SLC25A25: variants seen among roughly 807,000 people sequenced by gnomAD.
SLC25A25 encodes mitochondrial adenyl nucleotide antiporter SLC25A25.
SLC25A25 carries 32 observed loss-of-function variants against 57.7 expected under a neutral mutation model. That is an observed-to-expected ratio of 0.55 (90% confidence interval 0.42 to 0.74). SLC25A25 has a LOEUF of 0.74. Among genes scored for constraint, SLC25A25 ranks in the 30% least tolerant of loss-of-function variants. SLC25A25 has a pLI of 0.00. For synonymous variants in SLC25A25, 306 were observed against 291.2 expected, an observed-to-expected ratio of 1.05 and a Z score of -0.52; for missense variants, 556 against 701.3, an observed-to-expected ratio of 0.79 and a Z score of 2.34.
chr9:128,089,930 C>T (rs374582510), intron 1 of SLC25A25, among the ~76,000 whole-genome samples: 6 of 152,028 alleles, frequency 3.9e-5, no homozygotes, highest in African/African-American at 9.7e-5. Flanking sequence ...CCACTGCGCT[C>T]GGCCTTCTTT....
chr9:128,082,459 C>T (rs973191895), intron 1 of SLC25A25, among the ~76,000 whole-genome samples: 14 of 152,056 alleles, frequency 9.2e-5, no homozygotes, highest in African/African-American at 2.7e-4. Flanking sequence ...TGAGTTTTTC[C>T]GTTGGCTGAT....
At chr9:128,088,291 C>G (rs1169115203) in intron 1 of SLC25A25, among the ~76,000 whole-genome samples, 1 of 152,180 alleles carries the variant, frequency 6.6e-6, no homozygotes, top group Non-Finnish European at 1.5e-5. Flanking sequence ...CTCTGGCTGA[C>G]AGGAACGGGA....
intron 8 of SLC25A25, 28 bp downstream of exon 8, chr9:128,106,285 G>T: frequency 6.2e-7 from 1 of 1,614,092 alleles, no homozygotes; most frequent in Admixed American, 1.7e-5. Context: ...TCCTGGGGCG[G>T]GCAGTGGGCA....
intron 1 of SLC25A25, among the ~76,000 whole-genome samples, chr9:128,086,460 A>C (rs886777546): frequency 6.6e-6 from 1 of 151,772 alleles, no homozygotes; most frequent in African/African-American, 2.4e-5. Context: ...CAGCCTCCAA[A>C]GTAGCTGGGA....
At chr9:128,068,673 AC>A (rs1202561041) in intron 1 of SLC25A25, 93 bp downstream of exon 1, 2 of 1,301,734 alleles carry the variant, frequency 1.5e-6, no homozygotes, top group African/African-American at 1.6e-5. Flanking sequence ...GCTGGGCGGA[AC>A]CCCCACTGTC....
intron 1 of SLC25A25, among the ~76,000 whole-genome samples, chr9:128,086,340 T>G (rs1833273899): frequency 6.7e-6 from 1 of 150,134 alleles, no homozygotes; most frequent in South Asian, 2.1e-4. Flanking sequence ...TTTTTTTTTT[T>G]TTTTTTTTTT....
chr9:128,098,878 G>A (rs1297595716), intron 1 of SLC25A25: 5 of 985,348 alleles, frequency 5.1e-6, no homozygotes, highest in Admixed American at 6.1e-5. Flanking sequence ...TGGCCGGCAC[G>A]TGTACGTCAC....
chr9:128,086,468 G>GGATT (rs1833278222), intron 1 of SLC25A25, among the ~76,000 whole-genome samples: 1 of 151,936 alleles, frequency 6.6e-6, no homozygotes, highest in Non-Finnish European at 1.5e-5. Context: ...AAAGTAGCTG[G>GGATT]GATTATAGGC....
Position 128,092,289 on chromosome 9 carries a change from C to T in SLC25A25, c.262-8807C>T, listed in dbSNP as rs1405964443. ...CCTGTGAAAGCTGCATTACCCACTG[C>T]GAGCACCCCAGTGTGGCTGTTGAGG... is the stretch of plus-strand genomic sequence containing the variant. On this transcript the variant is annotated intron_variant, in intron 1 of 10. Transcript: ENST00000373069. Among the ~76,000 whole-genome samples, 3 of 152,112 alleles carry T rather than the reference C, an allele frequency of 2.0e-5. No individual in the cohort carries two copies. In the East Asian group the frequency reaches 5.8e-4, roughly 29 times the overall value.
chr9:128,077,256 G>A (rs1033211935), intron 1 of SLC25A25, among the ~76,000 whole-genome samples: 2 of 152,046 alleles, frequency 1.3e-5, no homozygotes, highest in African/African-American at 4.8e-5. Context: ...GGCCGGGCGC[G>A]GTGGCTCACG....
chr9:128,098,505 G>A (rs1833636931), intron 1 of SLC25A25: 2 of 1,554,104 alleles, frequency 1.3e-6, no homozygotes, highest in African/African-American at 1.4e-5. Flanking sequence ...CCCGGGACCG[G>A]CAGCATTTAG....
chr9:128,070,715 G>T (rs1226131759), intron 1 of SLC25A25, among the ~76,000 whole-genome samples: 1 of 151,196 alleles, frequency 6.6e-6, no homozygotes, highest in African/African-American at 2.4e-5. Context: ...ACTTTGGGAG[G>T]CCAAGCCGGG....
chr9:128,093,803 G>A (rs1303880990), intron 1 of SLC25A25, among the ~76,000 whole-genome samples: 1 of 152,194 alleles, frequency 6.6e-6, no homozygotes, highest in East Asian at 1.9e-4. Flanking sequence ...ATTGGGGCTG[G>A]CCTCACCAAA....
At chr9:128,089,526 G>A (rs1279553697) in intron 1 of SLC25A25, among the ~76,000 whole-genome samples, 2 of 152,012 alleles carry the variant, frequency 1.3e-5, no homozygotes, top group Admixed American at 6.6e-5. Flanking sequence ...AACTGCTTCT[G>A]GACAAGTTCT....
rs73612024 is a variant in SLC25A25, at chr9:128,100,522, C to T, written c.262-574C>T. ...CACATGCCCTTGGCTCCTTACACTT[C>T]CCCGGCCTCGGGTGCTGTGGCAGAG... On this transcript the variant is annotated intron_variant, in intron 1 of 10. Coordinates refer to ENST00000373069, the MANE Select transcript of SLC25A25 (RefSeq NM_001330988.2). Among the ~76,000 whole-genome samples, 1,024 of 152,330 alleles carry T rather than the reference C, an allele frequency of 6.7e-3. 10 individuals are homozygous for T. The highest frequency in any genetic ancestry group is 0.023 in the African/African-American group (936 of 41,578).
chr9:128,098,960 C>G (rs1588778434), intron 1 of SLC25A25: 1 of 985,290 alleles, frequency 1.0e-6, no homozygotes, highest in African/African-American at 1.7e-5. Flanking sequence ...GAGAAATGGA[C>G]TTTCAGAAAG....
At chr9:128,075,816 C>T (rs1226371988) in intron 1 of SLC25A25, among the ~76,000 whole-genome samples, 1 of 152,152 alleles carries the variant, frequency 6.6e-6, no homozygotes, top group Non-Finnish European at 1.5e-5. Context: ...TGCACTCCAG[C>T]CTGGGTGACA....
At position 128,091,803 on chromosome 9, in the gene SLC25A25, C is replaced by T. The variant is rs142220464; in HGVS notation, c.262-9293C>T. On this transcript the variant is annotated intron_variant, in intron 1 of 10. Transcript: ENST00000373069. ...TCCCAGCAGCTGTGTAGCCAGAGAG[C>T]GTTGGTACTGTGGTCACATCCCTCA... 1.5e-3 allele frequency: 2,247 copies of T among 1,532,506 alleles called. 41 individuals carry two copies. The East Asian group carries it at 0.035, about 24-fold the overall frequency. The allele number at this position is 1,532,506 out of a possible 1,614,324, so 94.9% of individuals were successfully genotyped here.
At position 128,101,250 on chromosome 9, in the gene SLC25A25, G is replaced by C; in HGVS notation, c.388+28G>C. ...AAGTGTTGCCTTCAGAGCTGTGGCC[G>C]GTCCAGCCTCGGGCCTCCCCGTGCG... On this transcript the variant is annotated intron_variant, in intron 2 of 10. Transcript: ENST00000373069. This position sits in a 1 kb window ranked among gnomAD's most constrained non-coding sequence, Gnocchi z 4.9. 6.2e-7 allele frequency: 1 copy of C among 1,614,216 alleles called. No individual in the cohort carries two copies. Among genetic ancestry groups the C allele is most frequent in the Non-Finnish European group, 8.5e-7 (1 of 1,180,026 alleles).
Sources: allele counts gnomAD v4.1 joint callset (sites outside exome capture counted in the v4.1 genomes callset), GRCh38; gene constraint gnomAD v4.1.1; non-coding constraint Gnocchi (gnomAD v3.1); transcripts MANE v1.5; gene names NCBI Gene and HGNC (gene_info 2026-07-23, HGNC 2026-07-21).